The following LSG1 variants were observed in gnomAD, a reference collection of about 807,000 sequenced individuals.
LSG1 encodes large 60S subunit nuclear export GTPase 1, also known as large subunit GTPase 1 homolog.
In LSG1, 55 loss-of-function variants were observed where a neutral mutation model predicts 82.6. The ratio of observed to expected loss-of-function variants is 0.67; its 90% confidence interval spans 0.54 to 0.83. The LOEUF (loss-of-function observed/expected upper bound fraction) is 0.83. LSG1 is among the 40% of genes least tolerant of loss of function. The pLI is 0.00. For missense variants in LSG1, 809 were observed against 807.9 expected, an observed-to-expected ratio of 1.00 and a Z score of -0.02; for synonymous variants, 272 against 282.5, an observed-to-expected ratio of 0.96 and a Z score of 0.37.
In LSG1 at chr3:194,651,027, G is replaced by A; in HGVS notation, c.1276-3C>T. Reference sequence around the variant, plus strand: ...AGGCCAGGCTCCACATAGAGAGTCTGGAAGACAAGCAAGAGGTTTGAGCTG... The same window carrying A: ...AGGCCAGGCTCCACATAGAGAGTCTAGAAGACAAGCAAGAGGTTTGAGCTG... On this transcript the variant is annotated splice_region_variant and splice_polypyrimidine_tract_variant and intron_variant, in intron 9 of 13. Coordinates refer to ENST00000265245, the MANE Select transcript of LSG1 (RefSeq NM_018385.3). 1 of 1,613,898 alleles carries A rather than the reference G, an allele frequency of 6.2e-7. No individual in the cohort carries two copies.
At position 194,653,106 on chromosome 3, in the gene LSG1, T is replaced by C; in HGVS notation, c.796A>G (p.Thr266Ala). 6.2e-7 allele frequency: 1 copy of C among 1,614,102 alleles called. No homozygotes were observed. Among genetic ancestry groups the C allele is most frequent in the African/African-American group, 1.3e-5 (1 of 75,042 alleles). Residue 266 changes from threonine to alanine, a missense_variant, in exon 8 of 14, where the codon ACC becomes GCC. Coordinates refer to ENST00000265245, the MANE Select transcript of LSG1 (RefSeq NM_018385.3). ...ANRDDRQSNT[T>A]KFGHSSFDQA... ...TCGAAACTGGAATGTCCAAACTTGG[T>C]TGTGTTGCTTTGTCTATCATCTCTG...
At position 194,644,385 on chromosome 3, in the gene LSG1, AATAAATAAAT is replaced by A. The variant is rs1254435744; in HGVS notation, c.1797+178_1797+187del. ...CTCCGTCTCAAAAAAAAAAAATAAAAATAAATAAATAAATAAATAAATAAATAAATAAATA... is the reference window on the plus strand; with the variant it reads ...CTCCGTCTCAAAAAAAAAAAATAAAAAAATAAATAAATAAATAAATAAATA... On this transcript the variant is annotated intron_variant, in intron 13 of 13. Transcript: ENST00000265245. Among the ~76,000 whole-genome samples, 15 of 92,822 alleles carry A rather than the reference AATAAATAAAT, an allele frequency of 1.6e-4. No individual in the cohort carries two copies. In the South Asian group the frequency reaches 1.9e-3, roughly 12 times the overall value. 60.9% of individuals were successfully genotyped at this position (92,822 alleles called of 152,430 possible).
chr3:194,665,569 ACT>A lies in LSG1; in HGVS notation c.507_508del (p.Arg169SerfsTer3). 6.2e-7 allele frequency: 1 copy of A among 1,610,538 alleles called. No homozygotes were observed. The highest frequency in any genetic ancestry group is 8.5e-7 in the Non-Finnish European group (1 of 1,178,510). ...AATGATAATTCACCTTCTCTCAATG[ACT>A]CTCCAGAGCTGGCGCCAAAAGTCCA... On this transcript the variant is annotated frameshift_variant, in exon 5 of 14. Transcript: ENST00000265245. LOFTEE classifies it high-confidence loss of function.
intron 12 of LSG1, chr3:194,645,539 C>CACACACAGACAG (rs1718516314): frequency 3.1e-5 from 1 of 32,386 alleles, no homozygotes; most frequent in African/African-American, 1.0e-4. Context: ...CAGACAGACA[C>CACACACAGACAG]ACACACACAC....
chr3:194,644,692 G>A lies in LSG1; in HGVS notation c.1678C>T (p.His560Tyr). Residue 560 changes from histidine to tyrosine, a missense_variant, in exon 13 of 14, where the codon CAT becomes TAT. Physicochemically the swap from His to Tyr is moderately conservative, Grantham distance 83. Coordinates refer to ENST00000265245, the MANE Select transcript of LSG1 (RefSeq NM_018385.3). ...PPGRDPVTFQ[H>Y]QHQRLLENKM... ...TTCTCTAGGAGTCGCTGGTGTTGATGCTGAAAAGTTACAGGATCTCTTCCA... is the reference window on the plus strand; with the variant it reads ...TTCTCTAGGAGTCGCTGGTGTTGATACTGAAAAGTTACAGGATCTCTTCCA... The A allele has an allele frequency of 1.2e-6, 2 of 1,609,906 alleles. No individual in the cohort carries two copies. The highest frequency in any genetic ancestry group is 1.7e-6 in the Non-Finnish European group (2 of 1,177,658).
intron 6 of LSG1, 32 bp from the exon 7 acceptor site, chr3:194,659,165 C>T: frequency 6.6e-7 from 1 of 1,516,338 alleles, no homozygotes; most frequent in Non-Finnish European, 8.9e-7. Context: ...AGAAAGACCT[C>T]TTCAAACAAG....
intron 8 of LSG1, among the ~76,000 whole-genome samples, chr3:194,652,441 C>T (rs1718694088): frequency 6.6e-6 from 1 of 152,220 alleles, no homozygotes; most frequent in African/African-American, 2.4e-5. Flanking sequence ...CTCTCTCATT[C>T]TGCTGTCTTG....
intron 5 of LSG1, chr3:194,660,781 T>A: frequency 2.3e-6 from 1 of 431,010 alleles, no homozygotes; most frequent in Non-Finnish European, 4.7e-6. Flanking sequence ...AAGTCCAACT[T>A]CTTCCATCAC....
chr3:194,657,676 A>C (rs1718825200), intron 7 of LSG1, among the ~76,000 whole-genome samples: 1 of 152,094 alleles, frequency 6.6e-6, no homozygotes, highest in Non-Finnish European at 1.5e-5. Flanking sequence ...TGTGGTCCTG[A>C]CGCAAGAAGA....
chr3:194,659,290 T>C (rs1718873904), intron 6 of LSG1, among the ~76,000 whole-genome samples, 157 bp from the exon 7 acceptor site: 2 of 152,226 alleles, frequency 1.3e-5, no homozygotes, highest in Admixed American at 6.5e-5. Flanking sequence ...ACTAATCCTT[T>C]CAGTAAGCTT....
intron 10 of LSG1, among the ~76,000 whole-genome samples, chr3:194,649,701 A>T (rs547539246): frequency 7.2e-5 from 11 of 152,096 alleles, no homozygotes; most frequent in Middle Eastern, 3.4e-3. Context: ...AAAACAAAAA[A>T]AAAAGCTATA....
intron 13 of LSG1, among the ~76,000 whole-genome samples, 174 bp downstream of exon 13, chr3:194,644,397 AAT>A (rs1718472571): frequency 6.9e-6 from 1 of 143,900 alleles, no homozygotes; most frequent in Non-Finnish European, 1.5e-5. Flanking sequence ...TAAATAAATA[AAT>A]AAATAAATAA....
At chr3:194,666,631 G>T in intron 2 of LSG1, 59 bp from the exon 3 acceptor site, 1 of 1,431,780 alleles carries the variant, frequency 7.0e-7, no homozygotes, top group Admixed American at 2.1e-5. Flanking sequence ...AGAGTGTTTG[G>T]TCATACTGAT....
At chr3:194,660,917 G>T in intron 5 of LSG1, 1 of 456,436 alleles carries the variant, frequency 2.2e-6, no homozygotes, top group Non-Finnish European at 4.4e-6. Flanking sequence ...TCCCTTCTAT[G>T]GGAGGCTCCT....
chr3:194,657,109 T>C (rs1264001660), intron 7 of LSG1, among the ~76,000 whole-genome samples: 2 of 151,220 alleles, frequency 1.3e-5, no homozygotes, highest in African/African-American at 4.9e-5. Flanking sequence ...GTAACAAACC[T>C]GCACATTGTG....
chr3:194,643,799 C>G (rs1033298960), intron 13 of LSG1, among the ~76,000 whole-genome samples: 1 of 152,186 alleles, frequency 6.6e-6, no homozygotes, highest in East Asian at 1.9e-4. Context: ...ACAACCCAAA[C>G]GTCCCTCAAA....
intron 2 of LSG1, 150 bp downstream of exon 2, chr3:194,669,859 G>A (rs1719107873): frequency 1.2e-6 from 1 of 807,794 alleles, no homozygotes; most frequent in South Asian, 1.9e-5. Context: ...TTGAACCCAG[G>A]AGGCGGAGCT....
intron 13 of LSG1, 142 bp downstream of exon 13, chr3:194,644,431 C>G (rs1021433735): frequency 8.9e-5 from 25 of 279,734 alleles, no homozygotes; most frequent in East Asian, 7.0e-5. Flanking sequence ...AATAAGGTTT[C>G]TTTTGGGAAT....
chr3:194,645,553 C>CACACACACACAGACAG (rs1718521348), intron 12 of LSG1, among the ~76,000 whole-genome samples: 1 of 45,410 alleles, frequency 2.2e-5, no homozygotes, highest in Non-Finnish European at 4.5e-5. Flanking sequence ...CACACACACA[C>CACACACACACAGACAG]ACACACACAC....
Sources: allele counts gnomAD v4.1 joint callset (sites outside exome capture counted in the v4.1 genomes callset), GRCh38; gene constraint gnomAD v4.1.1; transcripts MANE v1.5; gene names NCBI Gene and HGNC (gene_info 2026-07-23, HGNC 2026-07-21).